The following TNFSF10 variants were observed in gnomAD, a reference collection of about 807,000 sequenced individuals.
The protein encoded by TNFSF10 is tumor necrosis factor ligand superfamily member 10.
A neutral mutation model predicts 29.5 loss-of-function variants in TNFSF10; 13 were observed. The observed-to-expected ratio is 0.44, with a 90% CI of 0.29 to 0.70. The LOEUF is 0.70. TNFSF10 is among the 30% of genes least tolerant of loss of function. TNFSF10 has a pLI of 0.13. For synonymous variants in TNFSF10, 111 were observed against 112.8 expected, an observed-to-expected ratio of 0.98 and a Z score of 0.10; for missense variants, 345 against 330.9, an observed-to-expected ratio of 1.04 and a Z score of -0.33.
chr3:172,516,588 T>C (rs570919594), intron 1 of TNFSF10, among the ~76,000 whole-genome samples: 1 of 152,334 alleles, frequency 6.6e-6, no homozygotes, highest in East Asian at 1.9e-4. Flanking sequence ...ATTCATTTAC[T>C]TTTAAACAAA....
At chr3:172,516,643 T>G (rs931603559) in intron 1 of TNFSF10, among the ~76,000 whole-genome samples, 1 of 152,212 alleles carries the variant, frequency 6.6e-6, no homozygotes. Context: ...GAGAAAAACA[T>G]TCCCGTAGTA....
At chr3:172,515,634 G>A (rs1713396295) in intron 1 of TNFSF10, among the ~76,000 whole-genome samples, 1 of 152,068 alleles carries the variant, frequency 6.6e-6, no homozygotes, top group African/African-American at 2.4e-5. Context: ...GGATTTATTG[G>A]TAGAGACCTT....
At chr3:172,506,959 A>T in intron 4 of TNFSF10, 40 bp from the exon 5 acceptor site, 1 of 1,456,844 alleles carries the variant, frequency 6.9e-7, no homozygotes, top group Non-Finnish European at 9.0e-7. Context: ...AACAGAAGGG[A>T]ATTTGTAGCA....
intron 2 of TNFSF10, among the ~76,000 whole-genome samples, chr3:172,511,959 G>T (rs534593527): frequency 6.6e-6 from 1 of 152,210 alleles, no homozygotes; most frequent in Non-Finnish European, 1.5e-5. Flanking sequence ...GAAGCCATCC[G>T]CCATGTGATG....
At chr3:172,516,047 A>G (rs1418739957) in intron 1 of TNFSF10, among the ~76,000 whole-genome samples, 3 of 152,122 alleles carry the variant, frequency 2.0e-5, no homozygotes, top group Non-Finnish European at 4.4e-5. Context: ...TGAATCACAA[A>G]GTCAGGAGAT....
At chr3:172,514,081 CGCCTGCCTCA>C (rs376131505) in intron 2 of TNFSF10, among the ~76,000 whole-genome samples, 30 of 152,092 alleles carry the variant, frequency 2.0e-4, no homozygotes, top group African/African-American at 7.0e-4. Context: ...TCAGGTGATC[CGCCTGCCTCA>C]GCCTCCCAAA....
chr3:172,507,811 C>T (rs909534660), intron 4 of TNFSF10, among the ~76,000 whole-genome samples: 1 of 152,190 alleles, frequency 6.6e-6, no homozygotes, highest in Admixed American at 6.5e-5. Flanking sequence ...TATCTATTAA[C>T]TGATGTCTGA....
At chr3:172,517,849 T>C (rs905493178) in intron 1 of TNFSF10, 34 of 985,100 alleles carry the variant, frequency 3.5e-5, no homozygotes, top group Non-Finnish European at 4.1e-5. Context: ...CATTGTCATT[T>C]TGGTGTTTCT....
intron 1 of TNFSF10, 91 bp downstream of exon 1, chr3:172,523,162 C>T (rs1713778534): frequency 6.9e-7 from 1 of 1,448,570 alleles, no homozygotes; most frequent in South Asian, 1.5e-5. Context: ...GCAGGAAAGT[C>T]TTCAGAGAGG....
chr3:172,520,415 T>C (rs991649867), intron 1 of TNFSF10, among the ~76,000 whole-genome samples: 13 of 152,102 alleles, frequency 8.5e-5, no homozygotes, highest in African/African-American at 2.2e-4. Flanking sequence ...AGAATGCCAG[T>C]CCTTTGTATT....
chr3:172,519,557 T>C (rs924986108), intron 1 of TNFSF10, among the ~76,000 whole-genome samples: 1 of 152,218 alleles, frequency 6.6e-6, no homozygotes, highest in Non-Finnish European at 1.5e-5. Context: ...GACTTAAAGC[T>C]AAAGGTATGA....
intron 2 of TNFSF10, among the ~76,000 whole-genome samples, chr3:172,513,653 GA>G (rs1713316106): frequency 6.6e-6 from 1 of 152,194 alleles, no homozygotes; most frequent in South Asian, 2.1e-4. Flanking sequence ...TTTATATGGA[GA>G]AACAGATGCA....
intron 3 of TNFSF10, among the ~76,000 whole-genome samples, chr3:172,509,852 A>G (rs3181140): frequency 0.7 from 105,960 of 151,362 alleles, 37,408 homozygotes; most frequent in Middle Eastern, 0.78. Flanking sequence ...GGTGGCAGGC[A>G]CCTATAGTCC....
chr3:172,507,709 T>C (rs1424395745), intron 4 of TNFSF10, among the ~76,000 whole-genome samples: 1 of 152,146 alleles, frequency 6.6e-6, no homozygotes, highest in Non-Finnish European at 1.5e-5. Flanking sequence ...ATGACAATCA[T>C]TTATAAAACA....
intron 1 of TNFSF10, chr3:172,517,599 T>C: frequency 2.0e-6 from 2 of 985,422 alleles, no homozygotes. Flanking sequence ...TCTCACCTCC[T>C]ACTTAACCTT....
intron 1 of TNFSF10, chr3:172,517,886 A>T (rs1402476935): frequency 1.0e-6 from 1 of 985,316 alleles, no homozygotes; most frequent in African/African-American, 1.7e-5. Context: ...ATGCATAAAT[A>T]TTGATTTCTG....
At chr3:172,509,976 C>CAAAAAAAAAAAA in intron 3 of TNFSF10, among the ~76,000 whole-genome samples, 1 of 101,914 alleles carries the variant, frequency 9.8e-6, no homozygotes, top group Non-Finnish European at 2.1e-5. Context: ...AAGACTCCGT[C>CAAAAAAAAAAAA]AAAAAAAAAA....
chr3:172,515,420 G>A (rs929610142), intron 1 of TNFSF10, among the ~76,000 whole-genome samples: 2 of 152,104 alleles, frequency 1.3e-5, no homozygotes, highest in Admixed American at 6.5e-5. Context: ...ATACAAGGTC[G>A]GTAGTGGAGT....
chr3:172,513,205 C>T (rs1284866092), intron 2 of TNFSF10, among the ~76,000 whole-genome samples: 1 of 152,200 alleles, frequency 6.6e-6, no homozygotes, highest in Non-Finnish European at 1.5e-5. Context: ...TATCTCCCCA[C>T]TCCCTGTCCA....
Sources: gnomAD v4.1 joint callset for allele counts (sites outside exome capture counted in the v4.1 genomes callset) on GRCh38, gnomAD v4.1.1 for gene constraint, MANE v1.5 for transcripts, NCBI Gene and HGNC (gene_info 2026-07-23, HGNC 2026-07-21) for gene names.